The following ANGPTL5 variants were observed in gnomAD, a reference collection of about 807,000 sequenced individuals.
ANGPTL5 encodes the protein angiopoietin like 5, also known as angiopoietin-related protein 5.
A neutral mutation model predicts 39.4 loss-of-function variants in ANGPTL5; 34 were observed. The observed-to-expected ratio is 0.86, with a 90% CI of 0.66 to 1.15. ANGPTL5 has a LOEUF of 1.15. Ranked by LOEUF, ANGPTL5 falls within the 50% of genes most tolerant of loss-of-function variation. The probability of loss-of-function intolerance (pLI) is 0.00; values close to 1 mark genes in which losing one functional copy is unlikely to be tolerated. For synonymous variants in ANGPTL5, 146 were observed against 152.1 expected, an observed-to-expected ratio of 0.96 and a Z score of 0.29; for missense variants, 467 against 457.5, an observed-to-expected ratio of 1.02 and a Z score of -0.19.
chr11:101,899,450 C>A (rs117398457), intron 7 of ANGPTL5, among the ~76,000 whole-genome samples: 4,184 of 152,316 alleles, frequency 0.027, 67 homozygotes, highest in Middle Eastern at 0.034. Context: ...AGTTTGTATG[C>A]AGTATACCTG....
chr11:101,900,283 C>G, intron 7 of ANGPTL5, 147 bp downstream of exon 7: 1 of 742,834 alleles, frequency 1.3e-6, no homozygotes, highest in Non-Finnish European at 2.2e-6. Context: ...TTTAAATAAT[C>G]TGGCATATGA....
intron 1 of ANGPTL5, 23 bp from the exon 2 acceptor site, chr11:101,908,024 A>G: frequency 1.3e-6 from 1 of 775,172 alleles, no homozygotes; most frequent in Non-Finnish European, 2.2e-6. Flanking sequence ...CAACAAAAAC[A>G]TAAGCCAAAA....
intron 7 of ANGPTL5, 49 bp downstream of exon 7, chr11:101,900,381 A>G: frequency 1.3e-6 from 2 of 1,570,692 alleles, no homozygotes; most frequent in East Asian, 4.5e-5. Flanking sequence ...CTATAGATAT[A>G]ATATCAAAAA....
At chr11:101,915,391 A>G in intron 1 of ANGPTL5, 3 of 1,610,208 alleles carry the variant, frequency 1.9e-6, no homozygotes, top group South Asian at 1.1e-5. Flanking sequence ...AGCGGCGGGC[A>G]TCACCGACCT....
At chr11:101,905,362 C>A (rs1939980418) in intron 4 of ANGPTL5, among the ~76,000 whole-genome samples, 1 of 152,210 alleles carries the variant, frequency 6.6e-6, no homozygotes, top group African/African-American at 2.4e-5. Flanking sequence ...CCTGTACCAA[C>A]ACCAAGAAGT....
At chr11:101,900,257 C>A (rs1939869966) in intron 7 of ANGPTL5, among the ~76,000 whole-genome samples, 173 bp downstream of exon 7, 1 of 152,204 alleles carries the variant, frequency 6.6e-6, no homozygotes, top group African/African-American at 2.4e-5. Flanking sequence ...CAGATCTCCA[C>A]TGAAGACCTA....
At chr11:101,902,510 T>G (rs1213004281) in intron 6 of ANGPTL5, 111 bp downstream of exon 6, 1 of 961,286 alleles carries the variant, frequency 1.0e-6, no homozygotes, top group Non-Finnish European at 1.6e-6. Flanking sequence ...ATTTAAAATT[T>G]TTTGAGGAAA....
intron 6 of ANGPTL5, among the ~76,000 whole-genome samples, chr11:101,901,283 T>C (rs1285513922): frequency 2.0e-5 from 3 of 151,780 alleles, no homozygotes; most frequent in African/African-American, 7.3e-5. Context: ...TATTTCTCTA[T>C]AAACTAAATT....
intron 7 of ANGPTL5, 36 bp from the exon 8 acceptor site, chr11:101,895,100 T>A: frequency 7.1e-7 from 1 of 1,401,750 alleles, no homozygotes; most frequent in Non-Finnish European, 9.8e-7. Context: ...TATATTTTAA[T>A]ACAAATTAGA....
At chr11:101,901,864 A>T (rs548611316) in intron 6 of ANGPTL5, among the ~76,000 whole-genome samples, 13 of 152,114 alleles carry the variant, frequency 8.5e-5, no homozygotes, top group Non-Finnish European at 1.3e-4. Flanking sequence ...AATAAAGACT[A>T]TCAATAAGGT....
At chr11:101,894,530 A>G (rs1490329399) in intron 8 of ANGPTL5, among the ~76,000 whole-genome samples, 2 of 152,212 alleles carry the variant, frequency 1.3e-5, no homozygotes, top group Non-Finnish European at 2.9e-5. Context: ...AAGTGAGATG[A>G]CTAGAGATCA....
Position 101,894,957 on chromosome 11 carries a change from CA to C in ANGPTL5, c.768del (p.Tyr256Ter). 6.2e-7 allele frequency: 1 copy of C among 1,612,658 alleles called. No individual in the cohort carries two copies. Among genetic ancestry groups the C allele is most frequent in the Non-Finnish European group, 8.5e-7 (1 of 1,178,914 alleles). The part of the protein sequence containing the change: ...ALESEDDTLA[Y>X]ASYDNFWLED... Reference sequence around the variant, plus strand: ...TCTAGCCAAAAATTATCATATGATGCATAAGCAAGAGTGTCATCTTCAGATT... The same window carrying C: ...TCTAGCCAAAAATTATCATATGATGCTAAGCAAGAGTGTCATCTTCAGATT... On this transcript the variant is annotated frameshift_variant, in exon 8 of 9. Coordinates refer to ENST00000334289, the MANE Select transcript of ANGPTL5 (RefSeq NM_178127.5). LOFTEE classifies it high-confidence loss of function.
At chr11:101,907,278 A>T (rs774332166) in intron 2 of ANGPTL5, 31 bp from the exon 3 acceptor site, 1 of 1,318,542 alleles carries the variant, frequency 7.6e-7, no homozygotes, top group Non-Finnish European at 1.0e-6. Flanking sequence ...ATAAGAAAAA[A>T]ATACATTAAA....
At chr11:101,898,107 C>T (rs1220474733) in intron 7 of ANGPTL5, among the ~76,000 whole-genome samples, 3 of 152,028 alleles carry the variant, frequency 2.0e-5, no homozygotes, top group African/African-American at 7.2e-5. Context: ...CCTGTAATCC[C>T]AACTACTCGG....
rs542494787 is a variant in ANGPTL5 at position 101,902,623 on chromosome 11, C to G, written c.538G>C (p.Glu180Gln). 1 of 1,596,340 alleles carries G rather than the reference C, an allele frequency of 6.3e-7. No individual in the cohort carries two copies. The highest frequency in any genetic ancestry group is 8.6e-7 in the Non-Finnish European group (1 of 1,164,728). ...AAAACTTCAAATACGGGAAATACCT[C>G]AAATGGGTAGCTAGATCCTTCTGGG... is the stretch of plus-strand genomic sequence containing the variant. Reference protein sequence around the residue: ...IHPEGSSYPFEVMCDMDYRGG... With the variant: ...IHPEGSSYPFQVMCDMDYRGG... The change falls in exon 6 of 9, where the codon GAG (glutamate) becomes CAG (glutamine). Residue 180 changes from glutamate (E) to glutamine (Q), a missense_variant and splice_region_variant. Transcript: ENST00000334289.
intron 6 of ANGPTL5, among the ~76,000 whole-genome samples, chr11:101,901,093 G>T (rs953160365): frequency 1.3e-5 from 2 of 148,616 alleles, no homozygotes; most frequent in East Asian, 4.0e-4. Context: ...TAGCCAGGAT[G>T]GTCTCGATCT....
chr11:101,915,354 G>T, intron 1 of ANGPTL5: 1 of 1,613,982 alleles, frequency 6.2e-7, no homozygotes, highest in Non-Finnish European at 8.5e-7. Context: ...GGACAACCTC[G>T]ACAGAGCCCC....
At chr11:101,907,303 TA>T (rs756788769) in intron 2 of ANGPTL5, 56 bp from the exon 3 acceptor site, 115 of 1,080,672 alleles carry the variant, frequency 1.1e-4, no homozygotes, top group Non-Finnish European at 1.5e-4. Flanking sequence ...TTATATGACC[TA>T]ATACATAATA....
chr11:101,906,298 T>C (rs905158368), intron 3 of ANGPTL5, among the ~76,000 whole-genome samples: 2 of 152,184 alleles, frequency 1.3e-5, no homozygotes, highest in African/African-American at 2.4e-5. Context: ...ATTTACACAA[T>C]TAAATTGCTA....
Sources: allele counts gnomAD v4.1 joint callset (sites outside exome capture counted in the v4.1 genomes callset), GRCh38; gene constraint gnomAD v4.1.1; transcripts MANE v1.5; gene names NCBI Gene and HGNC (gene_info 2026-07-23, HGNC 2026-07-21).